SPAM1: variants seen among roughly 807,000 people sequenced by gnomAD.
SPAM1 encodes hyaluronidase PH-20.
A neutral mutation model predicts 29.6 loss-of-function variants in SPAM1; 22 were observed. The ratio of observed to expected loss-of-function variants is 0.74; its 90% CI spans 0.53 to 1.06. The LOEUF (loss-of-function observed/expected upper bound fraction) is 1.06, where lower values mean the gene tolerates loss of function less well. Among genes scored for constraint, SPAM1 ranks in the 50% least tolerant of loss-of-function variants. The pLI is 0.00. For synonymous variants in SPAM1, 194 were observed against 204.6 expected (o/e 0.95, Z 0.44); for missense variants, 534 against 604.0 (o/e 0.88, Z 1.21).
chr7:123,926,133 C>T (rs949691853), intron 1 of SPAM1: 2 of 152,168 alleles, frequency 1.3e-5, no homozygotes, highest in African/African-American at 4.8e-5. Context: ...ATGTTAACTC[C>T]ACAGGTAGTT....
At chr7:123,945,399 A>C (rs1213074884) in intron 1 of SPAM1, among the ~76,000 whole-genome samples, 2 of 152,136 alleles carry the variant, frequency 1.3e-5, no homozygotes, top group Non-Finnish European at 2.9e-5. Context: ...AAAAAAAGTG[A>C]AGAACACTTC....
At chr7:123,940,029 G>C (rs1173001362) in intron 1 of SPAM1, among the ~76,000 whole-genome samples, 1 of 151,332 alleles carries the variant, frequency 6.6e-6, no homozygotes, top group African/African-American at 2.4e-5. Context: ...CTGAGGTTTT[G>C]TTTCCCCTAT....
chr7:123,961,491 A>G (rs531484391), downstream of SPAM1, among the ~76,000 whole-genome samples: 1 of 151,986 alleles, frequency 6.6e-6, no homozygotes, highest in Non-Finnish European at 1.5e-5. Context: ...TGCAACAAAC[A>G]AAATGACTCC....
intron 4 of SPAM1, 85 bp from the exon 5 acceptor site, chr7:123,959,399 A>T: frequency 1.1e-6 from 1 of 917,896 alleles, no homozygotes; most frequent in South Asian, 1.9e-5. Flanking sequence ...TTCTTCTGTA[A>T]AAAAATTGCT....
chr7:123,927,724 T>A (rs1466694729), intron 1 of SPAM1, among the ~76,000 whole-genome samples: 1 of 152,028 alleles, frequency 6.6e-6, no homozygotes, highest in Non-Finnish European at 1.5e-5. Context: ...AAGAAAGAGG[T>A]TATTAATGTA....
intron 1 of SPAM1, among the ~76,000 whole-genome samples, chr7:123,934,557 C>G (rs1266852791): frequency 6.6e-6 from 1 of 152,140 alleles, no homozygotes; most frequent in African/African-American, 2.4e-5. Flanking sequence ...TATTGTGACA[C>G]TACTCACAAC....
At chr7:123,948,551 G>GAC (rs1808661233) in intron 1 of SPAM1, among the ~76,000 whole-genome samples, 1 of 152,132 alleles carries the variant, frequency 6.6e-6, no homozygotes, top group South Asian at 2.1e-4. Flanking sequence ...AGTTTTGAGT[G>GAC]AGGTCTGTAG....
chr7:123,926,363 G>T (rs953189188), intron 1 of SPAM1, among the ~76,000 whole-genome samples: 3 of 152,146 alleles, frequency 2.0e-5, no homozygotes, highest in African/African-American at 7.2e-5. Context: ...GTGACTCCAT[G>T]TTTATTTGTT....
intron 1 of SPAM1, among the ~76,000 whole-genome samples, chr7:123,928,983 G>T (rs1297934194): frequency 6.6e-6 from 1 of 152,038 alleles, no homozygotes; most frequent in Non-Finnish European, 1.5e-5. Context: ...GTTTTCCTGC[G>T]AGCCTTTTTT....
In SPAM1 at chr7:123,957,537, G is replaced by A. The variant is rs148262734; in HGVS notation, c.1045-1947G>A. On this transcript the variant is annotated intron_variant, in intron 4 of 4. Transcript: ENST00000682466. ...CCATTCAAAAATATTGGATTGTTAC[G>A]AAGATGGATGGTGTATTAGTTTTCT... 2.3e-4 allele frequency among the ~76,000 whole-genome samples: 35 copies of A among 152,136 alleles called. No individual in the cohort carries two copies. The East Asian group carries it at 3.9e-3, about 17-fold the overall frequency.
exon 7 of SPAM1, chr7:123,971,225 A>T (rs1009239177): frequency 6.6e-6 from 1 of 152,156 alleles, no homozygotes; most frequent in African/African-American, 2.4e-5. Context: ...ATATAAGATT[A>T]TAAGAAAAAT....
chr7:123,929,045 C>T (rs1282294434), intron 1 of SPAM1, among the ~76,000 whole-genome samples: 1 of 152,062 alleles, frequency 6.6e-6, no homozygotes, highest in East Asian at 1.9e-4. Context: ...CTGTCCTGCC[C>T]AGACAAAAAA....
intron 1 of SPAM1, among the ~76,000 whole-genome samples, chr7:123,934,783 G>A (rs1418194704): frequency 2.0e-5 from 3 of 152,260 alleles, no homozygotes; most frequent in East Asian, 3.9e-4. Flanking sequence ...AGCTGGAAAC[G>A]TTGATCTTAT....
At chr7:123,946,850 A>T (rs1307575541) in intron 1 of SPAM1, among the ~76,000 whole-genome samples, 1 of 152,144 alleles carries the variant, frequency 6.6e-6, no homozygotes, top group Non-Finnish European at 1.5e-5. Context: ...CAGTGGGATG[A>T]CTTTGAGTTC....
At position 123,926,818 on chromosome 7, in the gene SPAM1, A is replaced by T. The variant is rs541817807; in HGVS notation, c.-319+1466A>T. On this transcript the variant is annotated intron_variant, in intron 1 of 4. Coordinates refer to ENST00000682466, the MANE Select transcript of SPAM1 (RefSeq NM_153189.3). Reference sequence around the variant, plus strand: ...TCAGGTTAAAGATAAAGGATTATGGAGACCAAGTTTTATTGTGCAGAGGAA... The same window carrying T: ...TCAGGTTAAAGATAAAGGATTATGGTGACCAAGTTTTATTGTGCAGAGGAA... 8.4e-4 allele frequency among the ~76,000 whole-genome samples: 128 copies of T among 152,288 alleles called. 1 individual carries two copies. Among genetic ancestry groups the T allele is most frequent in the Middle Eastern group, 3.4e-3 (1 of 294 alleles).
chr7:123,946,607 A>G (rs1808583046), intron 1 of SPAM1, among the ~76,000 whole-genome samples: 1 of 152,280 alleles, frequency 6.6e-6, no homozygotes, highest in South Asian at 2.1e-4. Flanking sequence ...GAGAGACATG[A>G]GACATCAGTC....
At chr7:123,955,665 C>T (rs574826290) in intron 4 of SPAM1, among the ~76,000 whole-genome samples, 2 of 151,970 alleles carry the variant, frequency 1.3e-5, no homozygotes, top group African/African-American at 4.8e-5. Context: ...GCATTATATT[C>T]ATCTCTTATT....
At chr7:123,945,268 A>C (rs1479131657) in intron 1 of SPAM1, among the ~76,000 whole-genome samples, 1 of 152,142 alleles carries the variant, frequency 6.6e-6, no homozygotes, top group East Asian at 1.9e-4. Context: ...TTAGACAAAA[A>C]GTATTCTTCT....
chr7:123,944,870 A>G (rs538037691), intron 1 of SPAM1, among the ~76,000 whole-genome samples: 1 of 152,194 alleles, frequency 6.6e-6, no homozygotes, highest in Non-Finnish European at 1.5e-5. Context: ...AAAAAATTAT[A>G]AAGTCCTGTA....
Sources: allele counts gnomAD v4.1 joint callset (sites outside exome capture counted in the v4.1 genomes callset), GRCh38; gene constraint gnomAD v4.1.1; transcripts MANE v1.5; gene names NCBI Gene and HGNC (gene_info 2026-07-23, HGNC 2026-07-21).